Variants in DLGAP2 observed in about 807,000 individuals in gnomAD.
The protein encoded by DLGAP2 is disks large-associated protein 2.
A neutral mutation model predicts 100.3 loss-of-function variants in DLGAP2; 26 were observed. That is an observed-to-expected ratio of 0.26 (90% confidence interval 0.19 to 0.36). The LOEUF (loss-of-function observed/expected upper bound fraction) is 0.36, where lower values mean the gene tolerates loss of function less well. Among genes scored for constraint, DLGAP2 ranks in the 10% least tolerant of loss-of-function variants. The pLI, the probability that DLGAP2 is intolerant of heterozygous loss-of-function variation, is 1.00. For synonymous variants in DLGAP2, 886 were observed against 630.1 expected (o/e 1.41, Z -6.08); for missense variants, 1,858 against 1,453.2 (o/e 1.28, Z -4.53).
At chr8:1,092,601 C>G (rs1487525327) in intron 2 of DLGAP2, among the ~76,000 whole-genome samples, 1 of 152,224 alleles carries the variant, frequency 6.6e-6, no homozygotes, top group Non-Finnish European at 1.5e-5. Context: ...AGTCACATGC[C>G]TCTCCAGGGA....
chr8:1,431,935 A>G (rs572937114), intron 3 of DLGAP2, among the ~76,000 whole-genome samples: 1 of 149,416 alleles, frequency 6.7e-6, no homozygotes, highest in East Asian at 2.0e-4. Context: ...GCCGGCACCC[A>G]GCACCCCATG....
intron 8 of DLGAP2, among the ~76,000 whole-genome samples, chr8:1,647,333 C>CA: frequency 6.6e-6 from 1 of 151,490 alleles, no homozygotes; most frequent in Non-Finnish European, 1.5e-5. Flanking sequence ...AAACAAAACA[C>CA]AAAAAATTAG....
At chr8:1,542,249 G>A (rs1801386912) in intron 4 of DLGAP2, among the ~76,000 whole-genome samples, 1 of 152,178 alleles carries the variant, frequency 6.6e-6, no homozygotes, top group Non-Finnish European at 1.5e-5. Flanking sequence ...CGAGCTTTAT[G>A]GGGATATAAG....
intron 2 of DLGAP2, among the ~76,000 whole-genome samples, chr8:945,165 A>G (rs1799288950): frequency 6.6e-6 from 1 of 152,086 alleles, no homozygotes; most frequent in Non-Finnish European, 1.5e-5. Flanking sequence ...TTTTGTTTTT[A>G]TTTTTCCATT....
At chr8:906,788 A>C (rs1798389914) in intron 1 of DLGAP2, among the ~76,000 whole-genome samples, 1 of 152,172 alleles carries the variant, frequency 6.6e-6, no homozygotes, top group Admixed American at 6.5e-5. Flanking sequence ...ATGTGATTGA[A>C]CTTTTAATTC....
chr8:1,546,923 T>A (rs1422340370), intron 4 of DLGAP2, among the ~76,000 whole-genome samples: 2 of 152,038 alleles, frequency 1.3e-5, no homozygotes, highest in Non-Finnish European at 2.9e-5. Flanking sequence ...GGGGGGATAG[T>A]TCCCTTCCTG....
intron 3 of DLGAP2, among the ~76,000 whole-genome samples, chr8:1,311,759 A>T (rs1252300159): frequency 6.6e-6 from 1 of 152,238 alleles, no homozygotes; most frequent in East Asian, 1.9e-4. Flanking sequence ...TCAGTATGAT[A>T]AAGGGCATTT....
At chr8:1,699,654 G>C (rs1189848537) in intron 14 of DLGAP2, among the ~76,000 whole-genome samples, 2 of 152,106 alleles carry the variant, frequency 1.3e-5, no homozygotes, top group African/African-American at 4.8e-5. Flanking sequence ...TTCTCGCTGA[G>C]GGCAGAGCAC....
chr8:943,287 C>T (rs907267954), intron 2 of DLGAP2, among the ~76,000 whole-genome samples: 2 of 148,094 alleles, frequency 1.4e-5, no homozygotes, highest in African/African-American at 2.4e-5. Flanking sequence ...TTCTGCACAG[C>T]GTGTCATCAG....
intron 3 of DLGAP2, among the ~76,000 whole-genome samples, chr8:1,362,459 A>C (rs1802004142): frequency 2.6e-5 from 4 of 152,158 alleles, no homozygotes; most frequent in Non-Finnish European, 5.9e-5. Context: ...GGCGTGGTCC[A>C]TGTGCAGCCT....
At chr8:902,467 A>C (rs1383638584) in intron 1 of DLGAP2, among the ~76,000 whole-genome samples, 1 of 148,306 alleles carries the variant, frequency 6.7e-6, no homozygotes, top group East Asian at 2.1e-4. Flanking sequence ...GTTTGAGCCC[A>C]GGTAGCCTAG....
chr8:760,686 T>G (rs1463303866), intron 1 of DLGAP2, among the ~76,000 whole-genome samples: 1 of 152,210 alleles, frequency 6.6e-6, no homozygotes. Flanking sequence ...ATCCTTGTGT[T>G]CTAGAAACTC....
intron 2 of DLGAP2, among the ~76,000 whole-genome samples, chr8:1,158,861 C>T (rs1022526178): frequency 6.6e-6 from 1 of 152,236 alleles, no homozygotes; most frequent in Non-Finnish European, 1.5e-5. Context: ...GGGATTCTTA[C>T]TTCCTATTTT....
At chr8:795,759 T>A (rs79325847) in intron 1 of DLGAP2, among the ~76,000 whole-genome samples, 7,084 of 94,870 alleles carry the variant, frequency 0.075, 1,217 homozygotes, top group African/African-American at 0.17. Flanking sequence ...AGGCGTCCAG[T>A]GAGAGCAGGC....
chr8:1,022,715 C>T (rs1416421229), intron 2 of DLGAP2, among the ~76,000 whole-genome samples: 1 of 150,994 alleles, frequency 6.6e-6, no homozygotes, highest in East Asian at 2.0e-4. Context: ...TGGGGGTGGA[C>T]AGTACCGTGC....
chr8:1,477,907 C>T (rs1037584034), intron 3 of DLGAP2, among the ~76,000 whole-genome samples: 7 of 152,070 alleles, frequency 4.6e-5, no homozygotes, highest in Non-Finnish European at 7.4e-5. Context: ...TCATTTTGCC[C>T]CAGGCAGAGC....
At chr8:1,268,139 A>T (rs1185128820) in intron 3 of DLGAP2, among the ~76,000 whole-genome samples, 2 of 152,254 alleles carry the variant, frequency 1.3e-5, no homozygotes, top group Non-Finnish European at 2.9e-5. Context: ...TTTAAGAAAT[A>T]ATATCCAATA....
chr8:1,077,921 C>T (rs560074305), intron 2 of DLGAP2, among the ~76,000 whole-genome samples: 3 of 152,304 alleles, frequency 2.0e-5, no homozygotes, highest in East Asian at 3.9e-4. Flanking sequence ...GCCGCACAGC[C>T]CTGATTCTCT....
At chr8:1,320,602 C>G (rs1467683393) in intron 3 of DLGAP2, among the ~76,000 whole-genome samples, 1 of 152,208 alleles carries the variant, frequency 6.6e-6, no homozygotes, top group South Asian at 2.1e-4. Context: ...CTCTCAACTT[C>G]TCGAACATAT....
Sources: gnomAD v4.1 joint callset for allele counts (sites outside exome capture counted in the v4.1 genomes callset) on GRCh38, gnomAD v4.1.1 for gene constraint, MANE v1.5 for transcripts, NCBI Gene and HGNC (gene_info 2026-07-23, HGNC 2026-07-21) for gene names.